Variants in GDPD4 observed in about 807,000 individuals in gnomAD.
GDPD4 encodes glycerophosphodiester phosphodiesterase domain containing 4.
Under a neutral mutation model 67.8 loss-of-function variants are expected in GDPD4, and 60 were observed. That is an observed-to-expected ratio of 0.88 (90% CI 0.72 to 1.10). The LOEUF is 1.10. Ranked by LOEUF, GDPD4 falls within the 50% of genes least tolerant of loss-of-function variation. The pLI, the probability that GDPD4 is intolerant of heterozygous loss-of-function variation, is 0.00. For synonymous variants in GDPD4, 212 were observed against 210.9 expected (o/e 1.00, Z -0.04); for missense variants, 623 against 613.9 (o/e 1.01, Z -0.16).
At chr11:77,271,027 G>A (rs1959214720) in intron 7 of GDPD4, 103 bp downstream of exon 7, 1 of 754,588 alleles carries the variant, frequency 1.3e-6, no homozygotes, top group East Asian at 2.6e-5. Flanking sequence ...TTTCAACGAG[G>A]CATAGGGGTG....
intron 5 of GDPD4, among the ~76,000 whole-genome samples, chr11:77,275,502 C>T (rs1729049149): frequency 6.6e-6 from 1 of 152,198 alleles, no homozygotes; most frequent in African/African-American, 2.4e-5. Context: ...GAGTTATAGT[C>T]AAGGTTCTCA....
chr11:77,216,942 G>C lies in GDPD4; in HGVS notation c.*335C>G. The C allele has an allele frequency of 1.4e-6, 1 of 702,446 alleles. No homozygotes were observed. Among genetic ancestry groups the C allele is most frequent in the Non-Finnish European group, 2.6e-6 (1 of 384,882 alleles). 43.5% of individuals were successfully genotyped at this position (702,446 alleles called of 1,614,324 possible). ...ATCTCTTAGAGGTCTCTTATTTAAG[G>C]ATAGGGGACCTCTATGGAGGGCATG... On this transcript the variant is annotated 3_prime_UTR_variant, in exon 17 of 17. Transcript: ENST00000315938.
chr11:77,242,039 G>T (rs1005371680), intron 13 of GDPD4, among the ~76,000 whole-genome samples: 3 of 152,090 alleles, frequency 2.0e-5, no homozygotes, highest in African/African-American at 7.2e-5. Flanking sequence ...TTACCAAAGG[G>T]TTGAGGGAGA....
chr11:77,227,861 T>A lies in GDPD4; in HGVS notation c.1525+3A>T, dbSNP rs920971033. ...CAGGAGTGGGCTAGGCCTCTGACTTTACCTGTGCGAGTGCTGGAGGTTTCA... is the reference window on the plus strand; with the variant it reads ...CAGGAGTGGGCTAGGCCTCTGACTTAACCTGTGCGAGTGCTGGAGGTTTCA... On this transcript the variant is annotated splice_donor_region_variant and intron_variant, in intron 16 of 16. Transcript: ENST00000315938. 5.0e-6 allele frequency: 8 copies of A among 1,611,374 alleles called. No individual in the cohort carries two copies. Among genetic ancestry groups the A allele is most frequent in the Non-Finnish European group, 6.8e-6 (8 of 1,177,532 alleles).
intron 13 of GDPD4, among the ~76,000 whole-genome samples, chr11:77,235,009 G>GGTTTTTTTTTTTT (rs1958524240): frequency 7.7e-5 from 4 of 52,254 alleles, no homozygotes; most frequent in Admixed American, 2.7e-4. Context: ...GTCAATATCT[G>GGTTTTTTTTTTTT]TTTTTTTTTT....
intron 1 of GDPD4, among the ~76,000 whole-genome samples, chr11:77,296,181 G>A (rs1335082533): frequency 6.7e-6 from 1 of 148,814 alleles, no homozygotes; most frequent in Non-Finnish European, 1.5e-5. Context: ...AACCTGGGAG[G>A]TGGAGCTTGC....
chr11:77,287,777 G>A (rs1467680712), intron 1 of GDPD4, among the ~76,000 whole-genome samples: 4 of 152,204 alleles, frequency 2.6e-5, no homozygotes, highest in South Asian at 2.1e-4. Flanking sequence ...AACTTGAGAC[G>A]TTAAAGGCAC....
At chr11:77,288,958 T>A (rs974081046) in intron 1 of GDPD4, among the ~76,000 whole-genome samples, 2 of 151,802 alleles carry the variant, frequency 1.3e-5, no homozygotes, top group African/African-American at 2.4e-5. Flanking sequence ...TAAGGAGATA[T>A]TAGTTCAGAA....
chr11:77,274,402 C>T (rs979171750), intron 5 of GDPD4, among the ~76,000 whole-genome samples: 1 of 152,114 alleles, frequency 6.6e-6, no homozygotes, highest in Non-Finnish European at 1.5e-5. Flanking sequence ...GGGACAGCTC[C>T]CTCATGAATG....
intron 16 of GDPD4, among the ~76,000 whole-genome samples, chr11:77,224,634 G>A (rs994239971): frequency 2.5e-4 from 38 of 152,146 alleles, no homozygotes; most frequent in African/African-American, 7.7e-4. Context: ...TTTTAATTCT[G>A]CTAACAAGCA....
At chr11:77,221,909 G>C (rs367729077) in intron 16 of GDPD4, among the ~76,000 whole-genome samples, 2,372 of 151,936 alleles carry the variant, frequency 0.016, 23 homozygotes, top group African/African-American at 0.024. Flanking sequence ...TATGAATCTG[G>C]GTGCTCCTGT....
intron 16 of GDPD4, among the ~76,000 whole-genome samples, chr11:77,226,833 G>A (rs1252545325): frequency 1.3e-5 from 2 of 152,126 alleles, no homozygotes; most frequent in Admixed American, 1.3e-4. Flanking sequence ...CACAGCATAT[G>A]AAAGACCATT....
chr11:77,292,447 G>A (rs1310431685), intron 1 of GDPD4, among the ~76,000 whole-genome samples: 1 of 152,104 alleles, frequency 6.6e-6, no homozygotes, highest in Non-Finnish European at 1.5e-5. Context: ...GTAAGGTATA[G>A]TTAAAGCAAT....
chr11:77,280,850 G>A (rs932672394), intron 3 of GDPD4, among the ~76,000 whole-genome samples: 2 of 152,216 alleles, frequency 1.3e-5, no homozygotes, highest in Admixed American at 6.5e-5. Context: ...AAAAGGGAGT[G>A]AAAAGAGCGA....
At chr11:77,256,328 T>C (rs1439663206) in intron 11 of GDPD4, among the ~76,000 whole-genome samples, 1 of 152,222 alleles carries the variant, frequency 6.6e-6, no homozygotes, top group Non-Finnish European at 1.5e-5. Flanking sequence ...TTTATGTGTC[T>C]ATATATGAGA....
chr11:77,299,895 A>G (rs1435688309), intron 1 of GDPD4, among the ~76,000 whole-genome samples: 2 of 152,214 alleles, frequency 1.3e-5, no homozygotes, highest in Admixed American at 6.5e-5. Context: ...CTACCTCTCT[A>G]TATGACAAGC....
intron 1 of GDPD4, among the ~76,000 whole-genome samples, chr11:77,295,315 A>G (rs752552954): frequency 7.9e-5 from 12 of 151,768 alleles, no homozygotes; most frequent in Non-Finnish European, 1.6e-4. Flanking sequence ...TGTAAAAATT[A>G]AATGGATCAC....
chr11:77,252,965 C>T (rs114220793), intron 11 of GDPD4, among the ~76,000 whole-genome samples: 4,505 of 152,282 alleles, frequency 0.03, 240 homozygotes, highest in African/African-American at 0.1. Flanking sequence ...AGGTCTGACA[C>T]GGCCTACAAT....
rs532591376 is a variant in GDPD4 at position 77,245,313 on chromosome 11, C to A, written c.1054G>T (p.Val352Leu). ...RHTFVRQVVS[V>L]ILASKIEQHL... ...TGCTCGATTTTAGAGGCAAGGATCA[C>A]GCTTACTACTTGGCGGACAAATGTG... Residue 352 changes from valine to leucine, a missense_variant, in exon 12 of 17, where the codon GTG becomes TTG. Physicochemically the swap from Val to Leu is conservative, Grantham distance 32. Transcript: ENST00000315938. 1 of 1,614,130 alleles carries A rather than the reference C, an allele frequency of 6.2e-7. No homozygotes were observed. The highest frequency in any genetic ancestry group is 1.3e-5 in the African/African-American group (1 of 75,036).
Sources: gnomAD v4.1 joint callset for allele counts (sites outside exome capture counted in the v4.1 genomes callset) on GRCh38, gnomAD v4.1.1 for gene constraint, MANE v1.5 for transcripts, NCBI Gene and HGNC (gene_info 2026-07-23, HGNC 2026-07-21) for gene names.